The following FXYD2 variants were observed in gnomAD, a reference collection of about 807,000 sequenced individuals.
The protein encoded by FXYD2 is sodium/potassium-transporting ATPase subunit gamma.
FXYD2 carries 8 observed loss-of-function variants against 11.8 expected under a neutral mutation model. That is an observed-to-expected ratio of 0.68 (90% CI 0.40 to 1.22). FXYD2 has a LOEUF of 1.22. FXYD2 is among the 50% of genes most tolerant of loss of function. The pLI is 0.01. For missense variants in FXYD2, 92 were observed against 91.8 expected, an observed-to-expected ratio of 1.00 and a Z score of -0.01; for synonymous variants, 42 against 33.3, an observed-to-expected ratio of 1.26 and a Z score of -0.90.
At position 117,820,912 on chromosome 11, in the gene FXYD2, G is replaced by A. The variant is rs1453827036; in HGVS notation, c.140-17C>T. 1 of 1,613,992 alleles carries A rather than the reference G, an allele frequency of 6.2e-7. No individual in the cohort carries two copies. The highest frequency in any genetic ancestry group is 1.1e-5 in the South Asian group (1 of 91,062). On this transcript the variant is annotated splice_polypyrimidine_tract_variant and intron_variant, in intron 3 of 5. Transcript: ENST00000292079. ...ATCTTCTGCCTTGAAAAGAGAAAAGGAGATTTGTTTCCATGGACTAATTTT... is the reference window on the plus strand; with the variant it reads ...ATCTTCTGCCTTGAAAAGAGAAAAGAAGATTTGTTTCCATGGACTAATTTT...
Position 117,820,913 on chromosome 11 carries a change from A to T in FXYD2, c.140-18T>A, listed in dbSNP as rs1160600057. 2 of 1,613,150 alleles carry T rather than the reference A, an allele frequency of 1.2e-6. No individual in the cohort carries two copies. Among genetic ancestry groups the T allele is most frequent in the Non-Finnish European group, 1.7e-6 (2 of 1,179,924 alleles). The stretch of plus-strand genomic sequence containing the variant: ...TCTTCTGCCTTGAAAAGAGAAAAGG[A>T]GATTTGTTTCCATGGACTAATTTTC... On this transcript the variant is annotated intron_variant, in intron 3 of 5. Transcript: ENST00000292079.
intron 1 of FXYD2, among the ~76,000 whole-genome samples, chr11:117,823,770 C>T (rs967165087): frequency 6.6e-6 from 1 of 152,202 alleles, no homozygotes; most frequent in African/African-American, 2.4e-5. Context: ...TAGCACTTTC[C>T]GGGCTGTGCC....
At chr11:117,824,830 AG>A, upstream of FXYD2, 1 of 1,025,576 alleles carries the variant, frequency 9.8e-7, no homozygotes, top group Non-Finnish European at 1.5e-6. The surrounding 1 kb of genome is among the most constrained non-coding windows in gnomAD (Gnocchi z 4.0). Context: ...TCACAAGAAA[AG>A]CTGCAGTGTG....
intron 5 of FXYD2, 28 bp downstream of exon 5, chr11:117,820,638 G>A (rs753277223): frequency 2.2e-5 from 35 of 1,613,190 alleles, no homozygotes; most frequent in South Asian, 1.3e-4. Flanking sequence ...TGCCCTCCCC[G>A]CACCTTCCCC....
chr11:117,821,950 A>G (rs1418284196), intron 3 of FXYD2: 33 of 1,056,888 alleles, frequency 3.1e-5, no homozygotes, highest in Non-Finnish European at 3.6e-5. Flanking sequence ...TTGAGGATAC[A>G]TAACTCTCTT....
In FXYD2 at chr11:117,824,709, C is replaced by A; in HGVS notation, c.-31G>T. The A allele has an allele frequency of 6.2e-7, 1 of 1,613,296 alleles. No homozygotes were observed. Among genetic ancestry groups the A allele is most frequent in the Non-Finnish European group, 8.5e-7 (1 of 1,179,726 alleles). On this transcript the variant is annotated 5_prime_UTR_variant, in exon 1 of 6. Coordinates refer to ENST00000292079, the MANE Select transcript of FXYD2 (RefSeq NM_001680.5). This position sits in a 1 kb window ranked among gnomAD's most constrained non-coding sequence, Gnocchi z 4.0. ...CAGGTGAATGGGCTGCCTCCACTCCCCTCTTCCTGCTGTCTCTGCTTTTTG... is the reference window on the plus strand; with the variant it reads ...CAGGTGAATGGGCTGCCTCCACTCCACTCTTCCTGCTGTCTCTGCTTTTTG...
At chr11:117,827,438 G>A (rs561806239), upstream of FXYD2, among the ~76,000 whole-genome samples, 35 of 152,060 alleles carry the variant, frequency 2.3e-4, no homozygotes, top group Non-Finnish European at 4.0e-4. Context: ...TAGTAGAGAC[G>A]GGGTTTCACC....
At chr11:117,823,188 C>A (rs17121275) in intron 1 of FXYD2, among the ~76,000 whole-genome samples, 1 of 152,244 alleles carries the variant, frequency 6.6e-6, no homozygotes, top group Non-Finnish European at 1.5e-5. Context: ...TAGACTTGTT[C>A]AAAGTCCTAA....
chr11:117,826,235 G>A (rs2056033559), upstream of FXYD2, among the ~76,000 whole-genome samples: 1 of 152,192 alleles, frequency 6.6e-6, no homozygotes, highest in African/African-American at 2.4e-5. Context: ...GGGCACGAAT[G>A]AGTGAGACGG....
chr11:117,820,245 C>T lies in FXYD2; in HGVS notation c.*134G>A. ...GGGGGTCACATTGAGTCTGGAGCTTCCTTCAGCCCAAGCGCTGGCAGTGAC... is the reference window on the plus strand; with the variant it reads ...GGGGGTCACATTGAGTCTGGAGCTTTCTTCAGCCCAAGCGCTGGCAGTGAC... On this transcript the variant is annotated 3_prime_UTR_variant, in exon 6 of 6. Transcript: ENST00000292079. The T allele has an allele frequency of 5.2e-6, 1 of 191,602 alleles. No homozygotes were observed. The highest frequency in any genetic ancestry group is 1.1e-5 in the Non-Finnish European group (1 of 93,648). The allele number at this position is 191,602 out of a possible 1,614,324, so 11.9% of individuals were successfully genotyped here. A position where few individuals can be genotyped will look rare whatever the true frequency, so the allele number is the denominator to read the frequency against.
chr11:117,821,306 C>A (rs781229405), intron 3 of FXYD2: 1 of 959,506 alleles, frequency 1.0e-6, no homozygotes, highest in Non-Finnish European at 1.2e-6. Flanking sequence ...AGAGATCCTC[C>A]TGCCTTGGCC....
In FXYD2 at chr11:117,820,681, A is replaced by G. The variant is rs370215240; in HGVS notation, c.192T>C (p.Asp64=). Residue 64 remains aspartate (D), a synonymous_variant, in exon 5 of 6, where the codon GAT becomes GAC. Coordinates refer to ENST00000292079, the MANE Select transcript of FXYD2 (RefSeq NM_001680.5). ...CCTAGCATACCTGCTGTTACGGCTC[A>G]TCTTCATTGATTTGCCTGGTGGGGG... ...GNKKRRQINE[D]EP is the part of the protein sequence containing the mutation. 244 of 1,613,822 alleles carry G rather than the reference A, an allele frequency of 1.5e-4. No homozygotes were observed. The highest frequency in any genetic ancestry group is 1.8e-4 in the Non-Finnish European group (215 of 1,179,970).
intron 3 of FXYD2, chr11:117,821,352 C>T (rs559415372): frequency 3.0e-4 from 296 of 989,348 alleles, no homozygotes; most frequent in African/African-American, 2.3e-3. Context: ...TGAGCCACCA[C>T]GCCCAGCCTT....
At chr11:117,821,663 C>G in intron 3 of FXYD2, 1 of 978,302 alleles carries the variant, frequency 1.0e-6, no homozygotes, top group Non-Finnish European at 1.2e-6. Flanking sequence ...ATGGGGAGAC[C>G]TGCAGGACTG....
At chr11:117,826,511 C>A (rs528794403), upstream of FXYD2, among the ~76,000 whole-genome samples, 1 of 152,118 alleles carries the variant, frequency 6.6e-6, no homozygotes, top group South Asian at 2.1e-4. Flanking sequence ...CCAGAAAAAA[C>A]GAGGGCAGGA....
At chr11:117,821,003 C>T in intron 3 of FXYD2, 108 bp from the exon 4 acceptor site, 4 of 1,512,452 alleles carry the variant, frequency 2.6e-6, no homozygotes, top group Admixed American at 1.7e-5. Context: ...CCAGTATCAT[C>T]GCAGGGTCAG....
At chr11:117,827,598 C>A (rs1383280458), upstream of FXYD2, among the ~76,000 whole-genome samples, 1 of 152,176 alleles carries the variant, frequency 6.6e-6, no homozygotes, top group Non-Finnish European at 1.5e-5. Context: ...GTAAAGAAGG[C>A]ATTATTATCA....
Position 117,824,533 on chromosome 11 carries a change from T to C in FXYD2, c.25+121A>G, listed in dbSNP as rs1283017761. 2.5e-6 allele frequency: 2 copies of C among 811,808 alleles called. No individual in the cohort carries two copies. Among genetic ancestry groups the C allele is most frequent in the Admixed American group, 3.9e-5 (2 of 51,792 alleles). The allele number at this position is 811,808 out of a possible 1,614,324, so 50.3% of individuals were successfully genotyped here. A position where few individuals can be genotyped will look rare whatever the true frequency, so the allele number is the denominator to read the frequency against. On this transcript the variant is annotated intron_variant, in intron 1 of 5. Coordinates refer to ENST00000292079, the MANE Select transcript of FXYD2 (RefSeq NM_001680.5). The surrounding 1 kb of genome is among the most constrained non-coding windows in gnomAD (Gnocchi z 4.0). ...GAGGCCGACAGGAAGAGGGGCTGGG[T>C]ACTCTGGAAGGCTGAGGTGGCAGGA...
Position 117,822,576 on chromosome 11 carries a change from G to C in FXYD2, c.65-96C>G. ...CCCGCAGCAGCCCGTGGTAACCAGG[G>C]GAGATAAGGGGCACAGAGCATGGAC... is the stretch of plus-strand genomic sequence containing the variant. On this transcript the variant is annotated intron_variant, in intron 2 of 5. Coordinates refer to ENST00000292079, the MANE Select transcript of FXYD2 (RefSeq NM_001680.5). This position sits in a 1 kb window ranked among gnomAD's most constrained non-coding sequence, Gnocchi z 4.7. 2 of 1,566,480 alleles carry C rather than the reference G, an allele frequency of 1.3e-6. No individual in the cohort carries two copies. Among genetic ancestry groups the C allele is most frequent in the Non-Finnish European group, 1.7e-6 (2 of 1,155,212 alleles).
Sources: gnomAD v4.1 joint callset for allele counts (sites outside exome capture counted in the v4.1 genomes callset) on GRCh38, gnomAD v4.1.1 for gene constraint, Gnocchi (gnomAD v3.1) non-coding constraint, MANE v1.5 for transcripts, NCBI Gene and HGNC (gene_info 2026-07-23, HGNC 2026-07-21) for gene names.